The following CDK3 variants were observed in gnomAD, a reference collection of about 807,000 sequenced individuals.
The protein encoded by CDK3 is cyclin dependent kinase 3.
CDK3 carries 24 observed loss-of-function variants against 30.2 expected under a neutral mutation model. The observed-to-expected ratio is 0.79, with a 90% CI of 0.57 to 1.12. The LOEUF (loss-of-function observed/expected upper bound fraction) is 1.12, where lower values mean the gene tolerates loss of function less well. CDK3 is among the 50% of genes most tolerant of loss of function. CDK3 has a pLI of 0.00. For synonymous variants in CDK3, 158 were observed against 154.2 expected, an observed-to-expected ratio of 1.02 and a Z score of -0.18; for missense variants, 345 against 376.0, an observed-to-expected ratio of 0.92 and a Z score of 0.68.
chr17:76,003,103 C>A, intron 6 of CDK3, 92 bp from the exon 7 acceptor site: 1 of 979,316 alleles, frequency 1.0e-6, no homozygotes, highest in Non-Finnish European at 1.6e-6. Flanking sequence ...GATATCTTGA[C>A]AGGCCTCTCC....
At chr17:76,004,216 T>A (rs1348328432) in intron 7 of CDK3, among the ~76,000 whole-genome samples, 1 of 114,292 alleles carries the variant, frequency 8.7e-6, no homozygotes, top group African/African-American at 3.8e-5. Context: ...GGCAGAACCG[T>A]CTGTTTTTTT....
In CDK3 at chr17:76,001,210, C is replaced by T; in HGVS notation, c.-14-202C>T. 2.1e-6 allele frequency: 3 copies of T among 1,422,082 alleles called. No individual in the cohort carries two copies. Among genetic ancestry groups the T allele is most frequent in the Non-Finnish European group, 2.8e-6 (3 of 1,086,000 alleles). The allele number at this position is 1,422,082 out of a possible 1,614,324, so 88.1% of individuals were successfully genotyped here. A position where few individuals can be genotyped will look rare whatever the true frequency, so the allele number is the denominator to read the frequency against. On this transcript the variant is annotated intron_variant, in intron 1 of 7. Coordinates refer to ENST00000448471, the MANE Select transcript of CDK3 (RefSeq NM_001258.4). The surrounding 1 kb of genome is among the most constrained non-coding windows in gnomAD (Gnocchi z 6.2). ...CCCCCTGACCCCCTTGGGGTCCGGG[C>T]TGGGCTGGGTGAGGGGCGGTTTCCG... is the stretch of plus-strand genomic sequence containing the variant.
chr17:76,002,737 G>C lies in CDK3; in HGVS notation c.588+125G>C. The C allele has an allele frequency of 1.6e-6, 1 of 644,116 alleles. No individual in the cohort carries two copies. The highest frequency in any genetic ancestry group is 2.8e-6 in the Non-Finnish European group (1 of 354,584). The allele number at this position is 644,116 out of a possible 1,614,324, so 39.9% of individuals were successfully genotyped here. A position where few individuals can be genotyped will look rare whatever the true frequency, so the allele number is the denominator to read the frequency against. On this transcript the variant is annotated intron_variant, in intron 6 of 7. Coordinates refer to ENST00000448471, the MANE Select transcript of CDK3 (RefSeq NM_001258.4). This position sits in a 1 kb window ranked among gnomAD's most constrained non-coding sequence, Gnocchi z 4.3. ...GTGTTTGGGGCTGGACATGGCTCAC[G>C]CCCGTAATCCCAGCACTTTGGGAGG...
intron 7 of CDK3, among the ~76,000 whole-genome samples, chr17:76,004,217 C>CTGTTTTTT: frequency 3.3e-5 from 1 of 30,464 alleles, no homozygotes; most frequent in East Asian, 1.3e-3. Flanking sequence ...GCAGAACCGT[C>CTGTTTTTT]TGTTTTTTTT....
Position 76,001,196 on chromosome 17 carries a change from C to T in CDK3, c.-14-216C>T. On this transcript the variant is annotated intron_variant, in intron 1 of 7. Transcript: ENST00000448471. The surrounding 1 kb of genome is among the most constrained non-coding windows in gnomAD (Gnocchi z 6.2). ...CTGGGTGAAGGGGGCCCCCTGACCCCCTTGGGGTCCGGGCTGGGCTGGGTG... is the reference window on the plus strand; with the variant it reads ...CTGGGTGAAGGGGGCCCCCTGACCCTCTTGGGGTCCGGGCTGGGCTGGGTG... The T allele has an allele frequency of 7.2e-7, 1 of 1,389,250 alleles. No homozygotes were observed. Among genetic ancestry groups the T allele is most frequent in the Non-Finnish European group, 9.3e-7 (1 of 1,070,484 alleles). 86.1% of individuals were successfully genotyped at this position (1,389,250 alleles called of 1,614,324 possible).
rs767721527 is a variant in CDK3 at position 76,002,545 on chromosome 17, T to C, written c.521T>C (p.Leu174Pro). Residue 174 changes from leucine to proline, a missense_variant, in exon 6 of 8, where the codon CTC (leucine) becomes CCC (proline). Coordinates refer to ENST00000448471, the MANE Select transcript of CDK3 (RefSeq NM_001258.4). This position sits in a 1 kb window ranked among gnomAD's most constrained non-coding sequence, Gnocchi z 4.3. ...VTLWYRAPEILLGSKFYTTAV... is the reference protein window; with the variant it reads ...VTLWYRAPEIPLGSKFYTTAV... ...CTGTGGTATCGCGCCCCCGAGATTC[T>C]CTTGGGCAGCAAGTTCTATACCACA... The C allele has an allele frequency of 2.8e-6, 3 of 1,067,304 alleles. No homozygotes were observed. The highest frequency in any genetic ancestry group is 4.4e-6 in the Non-Finnish European group (3 of 680,140). The allele number at this position is 1,067,304 out of a possible 1,614,324, so 66.1% of individuals were successfully genotyped here.
rs764812585 is a variant in CDK3 at position 76,002,223 on chromosome 17, C to A, written c.316-25C>A. 27 of 1,612,336 alleles carry A rather than the reference C, an allele frequency of 1.7e-5. No homozygotes were observed. In the Admixed American group the frequency reaches 4.2e-4, roughly 25 times the overall value. ...CCACGCAGCACCTCCGCTCAGCTGG[C>A]TGCACCTCGCGCTCGTTTCTCCAGA... On this transcript the variant is annotated intron_variant, in intron 4 of 7. Coordinates refer to ENST00000448471, the MANE Select transcript of CDK3 (RefSeq NM_001258.4). The surrounding 1 kb of genome is among the most constrained non-coding windows in gnomAD (Gnocchi z 4.3).
rs749871456 is a variant in CDK3 at position 76,005,438 on chromosome 17, C to T, written c.*15C>T. ...TCCGCCATTGAGAATGTCAAGGCCA[C>T]ACTCAGATCCTTTCTCGAGCAGCTG... On this transcript the variant is annotated 3_prime_UTR_variant, in exon 8 of 8. Coordinates refer to ENST00000448471, the MANE Select transcript of CDK3 (RefSeq NM_001258.4). The surrounding 1 kb of genome is among the most constrained non-coding windows in gnomAD (Gnocchi z 4.7). 2.5e-6 allele frequency: 4 copies of T among 1,606,568 alleles called. No homozygotes were observed. Among genetic ancestry groups the T allele is most frequent in the Non-Finnish European group, 3.4e-6 (4 of 1,174,430 alleles).
In CDK3 at chr17:76,005,586, G is replaced by A. The variant is rs1216969803; in HGVS notation, c.*163G>A. The A allele has an allele frequency of 1.0e-5, 8 of 792,316 alleles. No individual in the cohort carries two copies. Among genetic ancestry groups the A allele is most frequent in the East Asian group, 5.6e-5 (2 of 35,922 alleles). 49.1% of individuals were successfully genotyped at this position (792,316 alleles called of 1,614,324 possible). The stretch of plus-strand genomic sequence containing the variant: ...GGGTTAGTCCTGCCCGCAGGTTAGC[G>A]AGATCCTGTGTTGTTTTTTGGGTTG... On this transcript the variant is annotated 3_prime_UTR_variant, in exon 8 of 8. Coordinates refer to ENST00000448471, the MANE Select transcript of CDK3 (RefSeq NM_001258.4). This position sits in a 1 kb window ranked among gnomAD's most constrained non-coding sequence, Gnocchi z 4.7.
chr17:76,003,738 CTTCTT>C (rs983075891), intron 7 of CDK3, among the ~76,000 whole-genome samples: 12 of 151,800 alleles, frequency 7.9e-5, no homozygotes, highest in African/African-American at 2.2e-4. Context: ...GGGGCCATAC[CTTCTT>C]TTCTTTTCTT....
Position 76,001,072 on chromosome 17 carries a change from T to G in CDK3, c.-15+105T>G. 6.2e-6 allele frequency: 7 copies of G among 1,130,968 alleles called. No individual in the cohort carries two copies. The highest frequency in any genetic ancestry group is 2.0e-5 in the South Asian group (1 of 49,352). 70.1% of individuals were successfully genotyped at this position (1,130,968 alleles called of 1,614,324 possible). ...GGGGTGGTCTCTGACTTCCTGGGGGTTCTGGCTGGGATGGGCAGGGGGCTG... is the reference window on the plus strand; with the variant it reads ...GGGGTGGTCTCTGACTTCCTGGGGGGTCTGGCTGGGATGGGCAGGGGGCTG... On this transcript the variant is annotated intron_variant, in intron 1 of 7. Transcript: ENST00000448471. This position sits in a 1 kb window ranked among gnomAD's most constrained non-coding sequence, Gnocchi z 6.2.
rs189931648 is a variant in CDK3, at chr17:76,003,560, C to T, written c.792+162C>T. Among the ~76,000 whole-genome samples, 347 of 152,312 alleles carry T rather than the reference C, an allele frequency of 2.3e-3. 2 individuals carry two copies. The highest frequency in any genetic ancestry group is 2.7e-3 in the Non-Finnish European group (181 of 68,026). On this transcript the variant is annotated intron_variant, in intron 7 of 7. Coordinates refer to ENST00000448471, the MANE Select transcript of CDK3 (RefSeq NM_001258.4). ...TACTGATTGTTCAACCCGGAAGCCT[C>T]CCCCAGGATAAGTGCAGTATTTATC...
At chr17:76,004,219 G>GGTTTTTTT (rs1555622995) in intron 7 of CDK3, among the ~76,000 whole-genome samples, 2 of 92,320 alleles carry the variant, frequency 2.2e-5, no homozygotes, top group East Asian at 7.0e-4. Context: ...AGAACCGTCT[G>GGTTTTTTT]TTTTTTTTTT....
Position 76,001,015 on chromosome 17 carries a change from C to A in CDK3, c.-15+48C>A. ...TCTAAGGCCCGGCACAAGTGAGAGG[C>A]CTGGGGGTCCATGTTGGGCTGGGCT... On this transcript the variant is annotated intron_variant, in intron 1 of 7. Coordinates refer to ENST00000448471, the MANE Select transcript of CDK3 (RefSeq NM_001258.4). This position sits in a 1 kb window ranked among gnomAD's most constrained non-coding sequence, Gnocchi z 6.2. 8.9e-7 allele frequency: 1 copy of A among 1,122,830 alleles called. No homozygotes were observed. Among genetic ancestry groups the A allele is most frequent in the Non-Finnish European group, 1.1e-6 (1 of 909,276 alleles). 69.6% of individuals were successfully genotyped at this position (1,122,830 alleles called of 1,614,324 possible).
chr17:76,001,362 G>A lies in CDK3; in HGVS notation c.-14-50G>A, dbSNP rs2069527. 271 of 1,610,190 alleles carry A rather than the reference G, an allele frequency of 1.7e-4. No homozygotes were observed. In the African/African-American group the frequency reaches 3.0e-3, roughly 18 times the overall value. On this transcript the variant is annotated intron_variant, in intron 1 of 7. Coordinates refer to ENST00000448471, the MANE Select transcript of CDK3 (RefSeq NM_001258.4). This position sits in a 1 kb window ranked among gnomAD's most constrained non-coding sequence, Gnocchi z 6.2. The stretch of plus-strand genomic sequence containing the variant: ...GCCACATGGAAGCTGGAGGAGCAAC[G>A]GGAGCGCTGGGCGTGGGGTGCAAAT...
In CDK3 at chr17:76,005,203, T is replaced by A. The variant is rs907273757; in HGVS notation, c.793-95T>A. On this transcript the variant is annotated intron_variant, in intron 7 of 7. Transcript: ENST00000448471. The surrounding 1 kb of genome is among the most constrained non-coding windows in gnomAD (Gnocchi z 4.7). ...GTTCTGGGTTTGAGGGCAGCCAATTTGGGGCCCAGGCCCTTGATCTGGGAC... is the reference window on the plus strand; with the variant it reads ...GTTCTGGGTTTGAGGGCAGCCAATTAGGGGCCCAGGCCCTTGATCTGGGAC... The A allele has an allele frequency of 6.9e-5, 104 of 1,496,482 alleles. No homozygotes were observed. The African/African-American group carries it at 1.3e-3, about 19-fold the overall frequency. 92.7% of individuals were successfully genotyped at this position (1,496,482 alleles called of 1,614,324 possible). A position where few individuals can be genotyped will look rare whatever the true frequency, so the allele number is the denominator to read the frequency against.
Position 76,002,114 on chromosome 17 carries a change from G to A in CDK3, c.287G>A (p.Gly96Asp). 5 of 1,613,920 alleles carry A rather than the reference G, an allele frequency of 3.1e-6. No homozygotes were observed. The highest frequency in any genetic ancestry group is 8.5e-7 in the Non-Finnish European group (1 of 1,179,990). ...DLKKYMDSTP[G>D]SELPLHLIKS... ...AAGAAGTACATGGACTCCACCCCAG[G>A]CTCAGAGCTCCCCCTGCACCTCATC... The change falls in exon 4 of 8, where the codon GGC (glycine) becomes GAC (aspartate). Residue 96 changes from glycine to aspartate, a missense_variant. Physicochemically the swap from Gly to Asp is moderately conservative, Grantham distance 94 (BLOSUM62 -1). Coordinates refer to ENST00000448471, the MANE Select transcript of CDK3 (RefSeq NM_001258.4). This position sits in a 1 kb window ranked among gnomAD's most constrained non-coding sequence, Gnocchi z 4.3.
chr17:76,005,266 C>G lies in CDK3; in HGVS notation c.793-32C>G. 1.2e-6 allele frequency: 2 copies of G among 1,609,906 alleles called. No homozygotes were observed. Among genetic ancestry groups the G allele is most frequent in the Non-Finnish European group, 1.7e-6 (2 of 1,177,450 alleles). ...TTTCTCACCCCACCCTGGCTGCACC[C>G]AGACCACATCTTCTTCCTTCTTTCT... On this transcript the variant is annotated intron_variant, in intron 7 of 7. Coordinates refer to ENST00000448471, the MANE Select transcript of CDK3 (RefSeq NM_001258.4). The surrounding 1 kb of genome is among the most constrained non-coding windows in gnomAD (Gnocchi z 4.7).
chr17:76,003,109 T>C, intron 6 of CDK3, 86 bp from the exon 7 acceptor site: 1 of 1,073,070 alleles, frequency 9.3e-7, no homozygotes, highest in Non-Finnish European at 1.4e-6. Flanking sequence ...TTGACAGGCC[T>C]CTCCCTGGGT....
Sources: allele counts gnomAD v4.1 joint callset (sites outside exome capture counted in the v4.1 genomes callset), GRCh38; gene constraint gnomAD v4.1.1; non-coding constraint Gnocchi (gnomAD v3.1); transcripts MANE v1.5; gene names NCBI Gene and HGNC (gene_info 2026-07-23, HGNC 2026-07-21).